The following TRUB1 variants were observed in gnomAD, a reference collection of about 807,000 sequenced individuals.
The protein encoded by TRUB1 is TruB pseudouridine synthase family member 1, also known as pseudouridylate synthase TRUB1.
TRUB1 carries 23 observed loss-of-function variants against 33.9 expected under a neutral mutation model. The observed-to-expected ratio is 0.68, with a 90% CI of 0.49 to 0.96. The LOEUF is 0.96. Ranked by LOEUF, TRUB1 falls within the 40% of genes least tolerant of loss-of-function variation. The pLI is 0.00. For missense variants in TRUB1, 378 were observed against 422.2 expected (o/e 0.90, Z 0.92); for synonymous variants, 163 against 165.4 (o/e 0.99, Z 0.11).
intron 1 of TRUB1, among the ~76,000 whole-genome samples, chr10:114,938,860 T>C (rs1343020646): frequency 6.6e-6 from 1 of 152,234 alleles, no homozygotes; most frequent in Non-Finnish European, 1.5e-5. Flanking sequence ...TGGGTTCATG[T>C]GGATGAACCC....
intron 5 of TRUB1, among the ~76,000 whole-genome samples, chr10:114,971,616 G>A (rs539933144): frequency 6.6e-6 from 1 of 152,008 alleles, no homozygotes; most frequent in Non-Finnish European, 1.5e-5. Context: ...TGTGATTATT[G>A]CAAGGATTTT....
chr10:114,964,600 T>C (rs1399308308), intron 4 of TRUB1, among the ~76,000 whole-genome samples: 3 of 152,192 alleles, frequency 2.0e-5, no homozygotes, highest in African/African-American at 7.2e-5. Flanking sequence ...AAGAAAACTT[T>C]TTTGACTCTA....
chr10:114,939,473 G>A (rs1378734544), intron 1 of TRUB1, among the ~76,000 whole-genome samples: 3 of 110,542 alleles, frequency 2.7e-5, no homozygotes, highest in African/African-American at 1.0e-4. Flanking sequence ...ATTCTGTCTC[G>A]CCATTAAACC....
intron 2 of TRUB1, among the ~76,000 whole-genome samples, chr10:114,950,795 G>T (rs922617855): frequency 6.6e-6 from 1 of 152,146 alleles, no homozygotes; most frequent in African/African-American, 2.4e-5. Context: ...TAAAATTCCA[G>T]TGCGTCCTTT....
At chr10:114,970,494 A>C in intron 5 of TRUB1, 54 bp downstream of exon 5, 2 of 1,292,424 alleles carry the variant, frequency 1.5e-6, no homozygotes, top group African/African-American at 2.9e-5. Context: ...TCCAATGGTT[A>C]ACATCACTCT....
intron 6 of TRUB1, among the ~76,000 whole-genome samples, chr10:114,972,786 TGGG>T (rs2084343327): frequency 6.6e-6 from 1 of 152,124 alleles, no homozygotes; most frequent in South Asian, 2.1e-4. Context: ...TGGAAAAACA[TGGG>T]TAAGGCAGAA....
chr10:114,966,979 A>G (rs1039794669), intron 4 of TRUB1, among the ~76,000 whole-genome samples: 1 of 152,106 alleles, frequency 6.6e-6, no homozygotes, highest in African/African-American at 2.4e-5. Context: ...TTCATTCTGG[A>G]TGGTTGAAAT....
intron 2 of TRUB1, among the ~76,000 whole-genome samples, chr10:114,944,533 C>T (rs1388553871): frequency 6.6e-6 from 1 of 152,090 alleles, no homozygotes; most frequent in East Asian, 1.9e-4. Flanking sequence ...GTGGCATGTG[C>T]CTGTAATGCC....
intron 3 of TRUB1, among the ~76,000 whole-genome samples, chr10:114,957,200 C>G (rs1395334547): frequency 6.6e-6 from 1 of 152,138 alleles, no homozygotes; most frequent in African/African-American, 2.4e-5. Flanking sequence ...TTCATACTTG[C>G]AGAAAGTAAG....
At position 114,959,769 on chromosome 10, in the gene TRUB1, T is replaced by C. The variant is rs768514172; in HGVS notation, c.485T>C (p.Leu162Pro). The change falls in exon 4 of 8, where the codon CTA becomes CCA. Residue 162 changes from leucine (L) to proline (P), a missense_variant. Physicochemically the swap from Leu to Pro is moderately conservative, Grantham distance 98 (BLOSUM62 -3). Transcript: ENST00000298746. ...IGELGKATDT[L>P]DSTGRVTEEK... ...GAACTGGGGAAAGCTACTGATACAC[T>C]AGATTCTACGGGGAGGGTAACAGAA... 1 of 1,609,496 alleles carries C rather than the reference T, an allele frequency of 6.2e-7. No homozygotes were observed. Among genetic ancestry groups the C allele is most frequent in the South Asian group, 1.1e-5 (1 of 90,934 alleles).
Position 114,975,410 on chromosome 10 carries a change from T to G in TRUB1, c.*31T>G. The G allele has an allele frequency of 6.6e-7, 1 of 1,511,010 alleles. No individual in the cohort carries two copies. The highest frequency in any genetic ancestry group is 8.9e-7 in the Non-Finnish European group (1 of 1,129,060). The allele number at this position is 1,511,010 out of a possible 1,614,324, so 93.6% of individuals were successfully genotyped here. A position where few individuals can be genotyped will look rare whatever the true frequency, so the allele number is the denominator to read the frequency against. On this transcript the variant is annotated 3_prime_UTR_variant, in exon 8 of 8. Transcript: ENST00000298746. ...GCCTGGGAATATCATCATTTTCTAG[T>G]TGACATTTGAATCCTGTGTGCAGAT... is the stretch of plus-strand genomic sequence containing the variant.
chr10:114,972,374 A>G, intron 6 of TRUB1, 100 bp downstream of exon 6: 1 of 1,324,584 alleles, frequency 7.5e-7, no homozygotes, highest in East Asian at 2.5e-5. Context: ...GATGTTGGAG[A>G]TTTTTTAAAA....
chr10:114,975,474 T>A lies in TRUB1; in HGVS notation c.*95T>A. On this transcript the variant is annotated 3_prime_UTR_variant, in exon 8 of 8. Coordinates refer to ENST00000298746, the MANE Select transcript of TRUB1 (RefSeq NM_139169.5). ...CTGCATTCAAAAGACAAACAATATG[T>A]CTTTTTTTTTTTTGCATGAAGAAAA... The A allele has an allele frequency of 2.4e-6, 3 of 1,229,556 alleles. No individual in the cohort carries two copies. Among genetic ancestry groups the A allele is most frequent in the Non-Finnish European group, 3.3e-6 (3 of 914,352 alleles). 76.2% of individuals were successfully genotyped at this position (1,229,556 alleles called of 1,614,324 possible).
At chr10:114,953,201 C>T (rs1430076132) in intron 3 of TRUB1, among the ~76,000 whole-genome samples, 1 of 152,084 alleles carries the variant, frequency 6.6e-6, no homozygotes, top group Non-Finnish European at 1.5e-5. Context: ...AATTTTGTAA[C>T]AGCCAATTTG....
chr10:114,960,680 GA>G (rs1424934121), intron 4 of TRUB1, among the ~76,000 whole-genome samples: 2 of 151,996 alleles, frequency 1.3e-5, no homozygotes, highest in Non-Finnish European at 2.9e-5. Context: ...ATAATGAAAA[GA>G]AAAATTACTG....
chr10:114,952,461 GTAGGTAGGTAGGTAGGTAGA>G (rs1402340981), intron 3 of TRUB1, among the ~76,000 whole-genome samples: 17 of 75,978 alleles, frequency 2.2e-4, no homozygotes, highest in Non-Finnish European at 5.7e-4. Flanking sequence ...AATAAGTAAG[GTAGGTAGGTAGGTAGGTAGA>G]TAGGTAGATA....
At chr10:114,969,584 C>T (rs1028796556) in intron 4 of TRUB1, 2 of 151,602 alleles carry the variant, frequency 1.3e-5, no homozygotes, top group Non-Finnish European at 2.9e-5. Flanking sequence ...ACATGATTAA[C>T]AGATAGTAAA....
chr10:114,951,354 A>C (rs1045924993), intron 3 of TRUB1, among the ~76,000 whole-genome samples: 7 of 152,232 alleles, frequency 4.6e-5, no homozygotes, highest in African/African-American at 7.2e-5. Context: ...AATTAGACTT[A>C]AAGAAACAAT....
At chr10:114,960,537 G>C (rs1276431385) in intron 4 of TRUB1, among the ~76,000 whole-genome samples, 1 of 152,020 alleles carries the variant, frequency 6.6e-6, no homozygotes, top group Non-Finnish European at 1.5e-5. Flanking sequence ...TTATATTTTT[G>C]TGTTGATTAT....
Sources: gnomAD v4.1 joint callset for allele counts (sites outside exome capture counted in the v4.1 genomes callset) on GRCh38, gnomAD v4.1.1 for gene constraint, MANE v1.5 for transcripts, NCBI Gene and HGNC (gene_info 2026-07-23, HGNC 2026-07-21) for gene names.